The following TMEM178B variants were observed in gnomAD, a reference collection of about 807,000 sequenced individuals.
TMEM178B encodes the protein transmembrane protein 178B.
TMEM178B carries 5 observed loss-of-function variants against 31.0 expected under a neutral mutation model. That is an observed-to-expected ratio of 0.16 (90% CI 0.08 to 0.34). The LOEUF (loss-of-function observed/expected upper bound fraction) is 0.34. Among genes scored for constraint, TMEM178B ranks in the 10% least tolerant of loss-of-function variants. TMEM178B has a pLI of 1.00. For missense variants in TMEM178B, 275 were observed against 400.3 expected (o/e 0.69, Z 2.67); for synonymous variants, 164 against 164.0 (o/e 1.00, Z 0.00).
chr7:141,429,137 G>T (rs1801374761), intron 2 of TMEM178B, among the ~76,000 whole-genome samples: 1 of 152,044 alleles, frequency 6.6e-6, no homozygotes, highest in Non-Finnish European at 1.5e-5. Flanking sequence ...AAATAGAACT[G>T]CCATACAATC....
At chr7:141,360,295 G>T (rs1320487212) in intron 2 of TMEM178B, among the ~76,000 whole-genome samples, 1 of 152,214 alleles carries the variant, frequency 6.6e-6, no homozygotes, top group Admixed American at 6.5e-5. Flanking sequence ...ATGAGTCATA[G>T]TTGATATGAG....
chr7:141,295,821 C>T (rs1483690357), intron 2 of TMEM178B, among the ~76,000 whole-genome samples: 5 of 152,118 alleles, frequency 3.3e-5, no homozygotes, highest in Admixed American at 2.6e-4. Context: ...GGAATACAAG[C>T]ACAGAAGAGA....
At chr7:141,456,359 G>A (rs994422513) in intron 3 of TMEM178B, among the ~76,000 whole-genome samples, 8 of 152,194 alleles carry the variant, frequency 5.3e-5, no homozygotes, top group African/African-American at 1.9e-4. Flanking sequence ...TATGGGCAAG[G>A]ATGGGACCAG....
chr7:141,366,139 T>G (rs186679184), intron 2 of TMEM178B, among the ~76,000 whole-genome samples: 30 of 152,362 alleles, frequency 2.0e-4, no homozygotes, highest in Non-Finnish European at 3.5e-4. Flanking sequence ...GCTGAGCATG[T>G]GCGTTCCTTT....
chr7:141,361,926 C>G (rs562872234), intron 2 of TMEM178B, among the ~76,000 whole-genome samples: 1 of 152,330 alleles, frequency 6.6e-6, no homozygotes, highest in Admixed American at 6.5e-5. Flanking sequence ...TATAACTGTA[C>G]TACAGACCAC....
intron 2 of TMEM178B, among the ~76,000 whole-genome samples, chr7:141,403,625 A>G (rs1300822997): frequency 6.6e-6 from 1 of 152,238 alleles, no homozygotes; most frequent in Admixed American, 6.5e-5. Context: ...GGGAATAATA[A>G]TGGTCTGTAT....
At chr7:141,173,155 A>C (rs576435309) in intron 1 of TMEM178B, 1 of 152,364 alleles carries the variant, frequency 6.6e-6, no homozygotes, top group Non-Finnish European at 1.5e-5. Context: ...TCGTGTAACG[A>C]ATGGTGCAAC....
chr7:141,444,584 A>G (rs971293011), intron 3 of TMEM178B, among the ~76,000 whole-genome samples: 1 of 152,206 alleles, frequency 6.6e-6, no homozygotes, highest in Admixed American at 6.5e-5. Context: ...ACTTGAATTC[A>G]TGAAGAGCTT....
At position 141,257,662 on chromosome 7, in the gene TMEM178B, C is replaced by T. The variant is rs1797949301; in HGVS notation, c.496+44958C>T. Among the ~76,000 whole-genome samples the T allele has an allele frequency of 2.0e-5, 3 of 152,180 alleles. No individual in the cohort carries two copies. In the South Asian group the frequency reaches 6.2e-4, roughly 32 times the overall value. On this transcript the variant is annotated intron_variant, in intron 2 of 3. Coordinates refer to ENST00000565468, the MANE Select transcript of TMEM178B (RefSeq NM_001195278.2). ...TATGTGTGCTGTAAGAACAGTGAAG[C>T]CAGAAGATGGAGCGGGGAGGCAAGG...
intron 1 of TMEM178B, among the ~76,000 whole-genome samples, chr7:141,125,030 AG>A (rs1795467754): frequency 6.6e-6 from 1 of 152,200 alleles, no homozygotes; most frequent in Non-Finnish European, 1.5e-5. Context: ...TAAAGATAAA[AG>A]AAATATCTGA....
intron 2 of TMEM178B, among the ~76,000 whole-genome samples, chr7:141,320,757 A>C (rs1799083954): frequency 6.6e-6 from 1 of 152,224 alleles, no homozygotes; most frequent in Non-Finnish European, 1.5e-5. Context: ...TATTATCTGT[A>C]AAATGTCCCC....
intron 1 of TMEM178B, among the ~76,000 whole-genome samples, chr7:141,134,886 C>T (rs913831987): frequency 2.6e-5 from 4 of 152,172 alleles, no homozygotes; most frequent in Non-Finnish European, 2.9e-5. Flanking sequence ...CATCTTATAT[C>T]TCCCATAAGT....
At chr7:141,249,476 C>T (rs987137166) in intron 2 of TMEM178B, among the ~76,000 whole-genome samples, 1 of 152,150 alleles carries the variant, frequency 6.6e-6, no homozygotes, top group Non-Finnish European at 1.5e-5. Flanking sequence ...TAGAGTGGGA[C>T]AGTGCTGTAA....
chr7:141,504,453 A>G, the TMEM178B span, among the ~76,000 whole-genome samples: 2 of 152,220 alleles, frequency 1.3e-5, 1 homozygote, highest in South Asian at 4.1e-4. Flanking sequence ...AAATACGCAA[A>G]TATGTATTCT....
intron 2 of TMEM178B, among the ~76,000 whole-genome samples, chr7:141,387,502 A>G (rs1586927410): frequency 6.6e-6 from 1 of 152,214 alleles, no homozygotes; most frequent in South Asian, 2.1e-4. Flanking sequence ...AAATTACAAA[A>G]CAACATTTTG....
chr7:141,146,991 C>A (rs1395802012), intron 1 of TMEM178B, among the ~76,000 whole-genome samples: 1 of 152,178 alleles, frequency 6.6e-6, no homozygotes, highest in African/African-American at 2.4e-5. Flanking sequence ...ATGACTATTA[C>A]ATGCATTTGC....
At chr7:141,447,355 A>T (rs1048186468) in intron 3 of TMEM178B, among the ~76,000 whole-genome samples, 45 of 152,024 alleles carry the variant, frequency 3.0e-4, no homozygotes, top group African/African-American at 1.0e-3. Flanking sequence ...GGGCAAGATC[A>T]TGCCAGGTAA....
intron 2 of TMEM178B, among the ~76,000 whole-genome samples, chr7:141,437,053 T>A (rs193096309): frequency 2.8e-4 from 42 of 152,230 alleles, no homozygotes; most frequent in Admixed American, 1.8e-3. Context: ...AGACCCCCCA[T>A]GCTGTTAGCT....
intron 1 of TMEM178B, among the ~76,000 whole-genome samples, chr7:141,155,572 G>T (rs1796055146): frequency 6.6e-6 from 1 of 152,204 alleles, no homozygotes; most frequent in Non-Finnish European, 1.5e-5. Flanking sequence ...CCCTTCCAGT[G>T]GTGCTTGGCT....
Sources: allele counts gnomAD v4.1 joint callset (sites outside exome capture counted in the v4.1 genomes callset), GRCh38; gene constraint gnomAD v4.1.1; transcripts MANE v1.5; gene names NCBI Gene and HGNC (gene_info 2026-07-23, HGNC 2026-07-21).